Variants in DNAAF10 observed in about 807,000 individuals in gnomAD.
The protein encoded by DNAAF10 is dynein axonemal assembly factor 10.
In DNAAF10, 28 loss-of-function variants were observed where a neutral mutation model predicts 43.7. The ratio of observed to expected loss-of-function variants is 0.64; its 90% CI spans 0.48 to 0.88. The LOEUF is 0.88. Ranked by LOEUF, DNAAF10 falls within the 40% of genes least tolerant of loss-of-function variation. The pLI is 0.00. For synonymous variants in DNAAF10, 156 were observed against 157.3 expected, an observed-to-expected ratio of 0.99 and a Z score of 0.06; for missense variants, 403 against 439.1, an observed-to-expected ratio of 0.92 and a Z score of 0.73.
Position 68,157,312 on chromosome 2 carries a change from G to T in DNAAF10, c.132C>A (p.Gly44=), listed in dbSNP as rs762523674. The T allele has an allele frequency of 5.7e-5, 92 of 1,613,990 alleles. No homozygotes were observed. Among genetic ancestry groups the T allele is most frequent in the Non-Finnish European group, 7.3e-5 (86 of 1,180,020 alleles). The change falls in exon 1 of 8, where the codon GGC becomes GGA. Residue 44 remains glycine, a synonymous_variant. Transcript: ENST00000295121. ...GCTGGATCTCGTACAGCTGAATGACGCCGGTGCCCCGTGCGAAGTTGCCCA... is the reference window on the plus strand; with the variant it reads ...GCTGGATCTCGTACAGCTGAATGACTCCGGTGCCCCGTGCGAAGTTGCCCA... ...VTMGNFARGT[G]VIQLYEIQHG... is the part of the protein sequence containing the mutation.
chr2:68,143,923 C>G (rs1673251339), intron 3 of DNAAF10, among the ~76,000 whole-genome samples: 1 of 152,140 alleles, frequency 6.6e-6, no homozygotes, highest in African/African-American at 2.4e-5. Flanking sequence ...AAAATTATAT[C>G]TCACTTTTCC....
intron 1 of DNAAF10, among the ~76,000 whole-genome samples, chr2:68,153,745 GTTTTT>G (rs35521976): frequency 2.6e-5 from 2 of 78,418 alleles, no homozygotes; most frequent in African/African-American, 1.0e-4. Context: ...ACACAATGAA[GTTTTT>G]TTTTTTTTTT....
chr2:68,157,440 A>G lies in DNAAF10; in HGVS notation c.4T>C (p.Ser2Pro). The change falls in exon 1 of 8, where the codon TCG (serine) becomes CCG (proline). Residue 2 changes from serine to proline, a missense_variant. Coordinates refer to ENST00000295121, the MANE Select transcript of DNAAF10 (RefSeq NM_138458.4). ...ATGATCTGAGGCTTCTCGAAGGCCG[A>G]CATGGTGCAGCCAATTTCAGCTACG... MSAFEKPQIIAH... is the reference protein window; with the variant it reads MPAFEKPQIIAH... The G allele has an allele frequency of 1.9e-6, 3 of 1,614,130 alleles. No individual in the cohort carries two copies. In the South Asian group the frequency reaches 3.3e-5, roughly 18 times the overall value.
At chr2:68,131,517 T>A in intron 7 of DNAAF10, 72 bp from the exon 8 acceptor site, 366 of 1,332,594 alleles carry the variant, frequency 2.7e-4, no homozygotes, top group Middle Eastern at 5.8e-4. Context: ...TACATACACT[T>A]CAATGACTCT....
Position 68,129,809 on chromosome 2 carries a change from G to C in DNAAF10, c.*1429C>G, listed in dbSNP as rs1266080671. On this transcript the variant is annotated 3_prime_UTR_variant, in exon 8 of 8. Transcript: ENST00000295121. ...TTAAGCATTTATAAAGCAAAATGAT[G>C]TGACAATGTTAACTTTATTACTACT... The C allele has an allele frequency of 6.6e-6, 1 of 152,130 alleles. No homozygotes were observed. The highest frequency in any genetic ancestry group is 1.5e-5 in the Non-Finnish European group (1 of 67,986). The allele number at this position is 152,130 out of a possible 1,614,324, so 9.4% of individuals were successfully genotyped here.
Position 68,157,362 on chromosome 2 carries a change from G to T in DNAAF10, c.82C>A (p.Pro28Thr), listed in dbSNP as rs139573680. The T allele has an allele frequency of 5.2e-5, 84 of 1,614,054 alleles. No individual in the cohort carries two copies. The highest frequency in any genetic ancestry group is 6.7e-5 in the African/African-American group (5 of 74,928). ...NYTVFDCKWV[P>T]CSAKFVTMGN... ...ATGGTCACAAATTTGGCGCTGCAGGGCACCCACTTACAGTCAAACACCGTG... is the reference window on the plus strand; with the variant it reads ...ATGGTCACAAATTTGGCGCTGCAGGTCACCCACTTACAGTCAAACACCGTG... Residue 28 changes from proline to threonine, a missense_variant, in exon 1 of 8, where the codon CCC (proline) becomes ACC (threonine). Coordinates refer to ENST00000295121, the MANE Select transcript of DNAAF10 (RefSeq NM_138458.4).
At chr2:68,131,562 T>A in intron 7 of DNAAF10, 117 bp from the exon 8 acceptor site, 1 of 954,022 alleles carries the variant, frequency 1.0e-6, no homozygotes, top group Non-Finnish European at 1.6e-6. Flanking sequence ...AATAAATACT[T>A]AAAGAATCTT....
chr2:68,131,539 G>T, intron 7 of DNAAF10, 94 bp from the exon 8 acceptor site: 1 of 1,204,184 alleles, frequency 8.3e-7, no homozygotes, highest in East Asian at 2.4e-5. Context: ...TTTCTCAGTT[G>T]GTTACTGGGA....
chr2:68,154,320 C>T (rs1673532613), intron 1 of DNAAF10, among the ~76,000 whole-genome samples: 1 of 152,036 alleles, frequency 6.6e-6, no homozygotes, highest in African/African-American at 2.4e-5. Flanking sequence ...GATCTCGGCT[C>T]ACTGCAAGCT....
intron 1 of DNAAF10, among the ~76,000 whole-genome samples, chr2:68,155,074 T>C (rs551246422): frequency 6.6e-6 from 1 of 152,188 alleles, no homozygotes; most frequent in East Asian, 1.9e-4. Context: ...ACCAGGCCTG[T>C]TCTTATTTTA....
chr2:68,142,343 G>A (rs189088238), intron 3 of DNAAF10, among the ~76,000 whole-genome samples: 5 of 152,122 alleles, frequency 3.3e-5, no homozygotes, highest in East Asian at 1.9e-4. Context: ...TGCAACCTCC[G>A]CCTCCTGGGT....
intron 1 of DNAAF10, among the ~76,000 whole-genome samples, chr2:68,156,094 C>A (rs1405242806): frequency 8.2e-6 from 1 of 121,674 alleles, no homozygotes; most frequent in African/African-American, 3.4e-5. Flanking sequence ...AGATTGAGAC[C>A]CTGTCTCAAA....
At chr2:68,153,970 G>A (rs1414847130) in intron 1 of DNAAF10, among the ~76,000 whole-genome samples, 1 of 151,786 alleles carries the variant, frequency 6.6e-6, no homozygotes, top group Non-Finnish European at 1.5e-5. Flanking sequence ...GGCCAGGATG[G>A]TCTTGCTCTC....
At chr2:68,131,540 G>T in intron 7 of DNAAF10, 95 bp from the exon 8 acceptor site, 3 of 1,193,476 alleles carry the variant, frequency 2.5e-6, no homozygotes, top group Non-Finnish European at 3.6e-6. Flanking sequence ...TTCTCAGTTG[G>T]TTACTGGGAC....
chr2:68,146,501 T>C (rs1031991718), intron 2 of DNAAF10, among the ~76,000 whole-genome samples: 1 of 152,228 alleles, frequency 6.6e-6, no homozygotes, highest in African/African-American at 2.4e-5. Flanking sequence ...TCAATGGTAC[T>C]ATCTAATATT....
chr2:68,130,979 A>G lies in DNAAF10; in HGVS notation c.*259T>C. 3.3e-6 allele frequency: 1 copy of G among 299,640 alleles called. No individual in the cohort carries two copies. The highest frequency in any genetic ancestry group is 6.4e-6 in the Non-Finnish European group (1 of 156,392). 18.6% of individuals were successfully genotyped at this position (299,640 alleles called of 1,614,324 possible). ...TGCCCAGGCTGGAGTGCAGTGGCAC[A>G]ATCTCGGCTCACTGCAACCTCCGCC... On this transcript the variant is annotated 3_prime_UTR_variant, in exon 8 of 8. Coordinates refer to ENST00000295121, the MANE Select transcript of DNAAF10 (RefSeq NM_138458.4).
At chr2:68,144,935 A>G (rs1673280433) in intron 2 of DNAAF10, among the ~76,000 whole-genome samples, 1 of 152,100 alleles carries the variant, frequency 6.6e-6, no homozygotes, top group Non-Finnish European at 1.5e-5. Flanking sequence ...TGAAATTCCA[A>G]TCCTGAGCTC....
intron 1 of DNAAF10, among the ~76,000 whole-genome samples, chr2:68,151,016 ACAAC>A (rs1282854526): frequency 6.6e-6 from 1 of 152,184 alleles, no homozygotes; most frequent in Non-Finnish European, 1.5e-5. Context: ...AACCAAACTG[ACAAC>A]CAGTCTACAC....
chr2:68,147,198 C>T (rs926117995), intron 2 of DNAAF10, among the ~76,000 whole-genome samples: 6 of 152,028 alleles, frequency 3.9e-5, no homozygotes, highest in Admixed American at 6.5e-5. Flanking sequence ...AAATACATGG[C>T]ATTAAATGCT....
Sources: gnomAD v4.1 joint callset for allele counts (sites outside exome capture counted in the v4.1 genomes callset) on GRCh38, gnomAD v4.1.1 for gene constraint, MANE v1.5 for transcripts, NCBI Gene and HGNC (gene_info 2026-07-23, HGNC 2026-07-21) for gene names.